The following NOP58 variants were observed in gnomAD, a reference collection of about 807,000 sequenced individuals.
The protein encoded by NOP58 is NOP58 ribonucleoprotein.
NOP58 carries 44 observed loss-of-function variants against 71.2 expected under a neutral mutation model. The ratio of observed to expected loss-of-function variants is 0.62; its 90% CI spans 0.49 to 0.79. NOP58 has a LOEUF of 0.79. NOP58 is among the 30% of genes least tolerant of loss of function. NOP58 has a pLI of 0.00. For synonymous variants in NOP58, 228 were observed against 200.3 expected (o/e 1.14, Z -1.17); for missense variants, 538 against 620.2 (o/e 0.87, Z 1.41).
chr2:202,279,652 G>A (rs1420709466), intron 3 of NOP58, among the ~76,000 whole-genome samples: 4 of 152,128 alleles, frequency 2.6e-5, no homozygotes, highest in East Asian at 1.9e-4. Context: ...AAAATTAGCC[G>A]GGTGTGGTGG....
Position 202,295,746 on chromosome 2 carries a change from G to C in NOP58, c.980G>C (p.Arg327Thr), listed in dbSNP as rs753950904. ...CTTGGAGCTGAAAAGGCACTTTTCA[G>C]AGCCCTCAAATCTAGACGGGATACC... ...QILGAEKALFRALKSRRDTPK... is the reference protein window; with the variant it reads ...QILGAEKALFTALKSRRDTPK... The change falls in exon 10 of 15, where the codon AGA becomes ACA. Residue 327 changes from arginine to threonine, a missense_variant. Transcript: ENST00000264279. 2 of 1,612,142 alleles carry C rather than the reference G, an allele frequency of 1.2e-6. No individual in the cohort carries two copies. The highest frequency in any genetic ancestry group is 3.4e-5 in the Admixed American group (2 of 59,552).
In NOP58 at chr2:202,303,459, C is replaced by T. The variant is rs751355788; in HGVS notation, c.*23C>T. On this transcript the variant is annotated 3_prime_UTR_variant, in exon 15 of 15. Transcript: ENST00000264279. ...TAACAGAAAGGAATTACGATTATAT[C>T]ACCCGGACACACATCATGCTTAAGA... The T allele has an allele frequency of 2.0e-5, 32 of 1,596,800 alleles. No homozygotes were observed. In the African/African-American group the frequency reaches 4.0e-4, roughly 20 times the overall value.
chr2:202,270,441 CAT>C (rs1688497226), intron 1 of NOP58, among the ~76,000 whole-genome samples: 1 of 152,182 alleles, frequency 6.6e-6, no homozygotes, highest in Non-Finnish European at 1.5e-5. Flanking sequence ...TTAACTTGCT[CAT>C]ATTGTCTGTG....
In NOP58 at chr2:202,265,925, C is replaced by T. The variant is rs1354113405; in HGVS notation, c.-17C>T. The T allele has an allele frequency of 2.5e-6, 4 of 1,614,162 alleles. No individual in the cohort carries two copies. Among genetic ancestry groups the T allele is most frequent in the East Asian group, 2.2e-5 (1 of 44,882 alleles). On this transcript the variant is annotated 5_prime_UTR_variant, in exon 1 of 15. Transcript: ENST00000264279. ...CAGCTTCTGGCAGGCCGTGCGGCGC[C>T]CTGACCCGGCCTCACCATGTTGGTG...
At chr2:202,272,951 G>A (rs1225161384) in intron 1 of NOP58, among the ~76,000 whole-genome samples, 1 of 152,028 alleles carries the variant, frequency 6.6e-6, no homozygotes, top group East Asian at 1.9e-4. Context: ...TGGCTAACAC[G>A]GTGAAACCCC....
chr2:202,300,038 T>G lies in NOP58; in HGVS notation c.1269-196T>G, dbSNP rs1401466799. The G allele has an allele frequency of 6.1e-6, 3 of 491,184 alleles. No homozygotes were observed. In the African/African-American group the frequency reaches 6.2e-5, roughly 10 times the overall value. 30.4% of individuals were successfully genotyped at this position (491,184 alleles called of 1,614,324 possible). A position where few individuals can be genotyped will look rare whatever the true frequency, so the allele number is the denominator to read the frequency against. On this transcript the variant is annotated intron_variant, in intron 12 of 14. Coordinates refer to ENST00000264279, the MANE Select transcript of NOP58 (RefSeq NM_015934.5). ...GCTCACCACATCTCTTGAATGTGAT[T>G]GACCTACTTGAAAAATATTAATACC...
At chr2:202,282,084 C>T (rs1688715972) in intron 3 of NOP58, among the ~76,000 whole-genome samples, 1 of 152,138 alleles carries the variant, frequency 6.6e-6, no homozygotes, top group Admixed American at 6.5e-5. Context: ...ATGATTCTCC[C>T]TTGAGTTCAT....
Position 202,297,396 on chromosome 2 carries a change from A to T in NOP58, c.1089A>T (p.Ala363=), listed in dbSNP as rs768320537. Residue 363 remains alanine (A), a synonymous_variant, in exon 11 of 15, where the codon GCA becomes GCT. Transcript: ENST00000264279. ...KHKGKISRML[A]AKTVLAIRYD... ...TCTATTAGATTTCTCGAATGCTGGCAGCCAAAACCGTTTTGGCTATCCGTT... is the reference window on the plus strand; with the variant it reads ...TCTATTAGATTTCTCGAATGCTGGCTGCCAAAACCGTTTTGGCTATCCGTT... The T allele has an allele frequency of 6.2e-7, 1 of 1,613,126 alleles. No individual in the cohort carries two copies. The highest frequency in any genetic ancestry group is 8.5e-7 in the Non-Finnish European group (1 of 1,179,524).
Position 202,302,972 on chromosome 2 carries a change from A to G in NOP58, c.1454A>G (p.Lys485Arg). The change falls in exon 14 of 15, where the codon AAG becomes AGG. Residue 485 changes from lysine to arginine, a missense_variant. Physicochemically the swap from Lys to Arg is conservative, Grantham distance 26 (BLOSUM62 2). Coordinates refer to ENST00000264279, the MANE Select transcript of NOP58 (RefSeq NM_015934.5). ...KVAEEEETSV[K>R]KKKKRGKKKH... ...GCAGAAGAAGAAGAAACATCTGTGA[A>G]GAAGAAGAAGAAAAGGGGTAAAAAG... 6.2e-7 allele frequency: 1 copy of G among 1,604,210 alleles called. No individual in the cohort carries two copies. The highest frequency in any genetic ancestry group is 8.5e-7 in the Non-Finnish European group (1 of 1,174,470).
chr2:202,268,335 C>A (rs868027094), intron 1 of NOP58, among the ~76,000 whole-genome samples: 25 of 152,022 alleles, frequency 1.6e-4, no homozygotes, highest in Non-Finnish European at 3.1e-4. Context: ...GAGTTTGAGA[C>A]CAGCCTAACC....
At chr2:202,296,987 C>A (rs1689005694) in intron 10 of NOP58, among the ~76,000 whole-genome samples, 2 of 152,154 alleles carry the variant, frequency 1.3e-5, no homozygotes, top group East Asian at 3.8e-4. Flanking sequence ...CTCGCCTCGG[C>A]CTCCCAAAGT....
Position 202,295,844 on chromosome 2 carries a change from T to TA in NOP58, c.1071+8dup. 5 of 1,541,766 alleles carry TA rather than the reference T, an allele frequency of 3.2e-6. No homozygotes were observed. Among genetic ancestry groups the TA allele is most frequent in the Non-Finnish European group, 3.5e-6 (4 of 1,145,782 alleles). On this transcript the variant is annotated splice_region_variant and intron_variant, in intron 10 of 14. Transcript: ENST00000264279. ...TCCCAAACACAAAGGAAAGGTGTGT[T>TA]ATAGGGTTTTGCTTTGTTTTTGAGG... is the stretch of plus-strand genomic sequence containing the variant.
intron 3 of NOP58, among the ~76,000 whole-genome samples, chr2:202,281,896 C>G (rs1688712054): frequency 6.6e-6 from 1 of 152,146 alleles, no homozygotes; most frequent in Non-Finnish European, 1.5e-5. Flanking sequence ...AGTGGAGATA[C>G]AAGCAAAGCT....
At chr2:202,276,388 T>G in intron 2 of NOP58, 1 of 411,918 alleles carries the variant, frequency 2.4e-6, no homozygotes, top group Non-Finnish European at 5.1e-6. Flanking sequence ...AGAAGACTAG[T>G]TTTCCTTCTT....
At chr2:202,303,226 A>G (rs1452859051) in intron 14 of NOP58, among the ~76,000 whole-genome samples, 160 bp from the exon 15 acceptor site, 2 of 152,358 alleles carry the variant, frequency 1.3e-5, no homozygotes, top group African/African-American at 4.8e-5. Context: ...GCCATTTCCC[A>G]AATCTAGAAT....
intron 8 of NOP58, among the ~76,000 whole-genome samples, chr2:202,291,968 CTTTTTTTTTTTTTTTTTTTTTTT>C (rs869075798): frequency 9.1e-5 from 4 of 43,962 alleles, no homozygotes; most frequent in African/African-American, 3.8e-4. Context: ...TGCTCAGAAT[CTTTTTTTTTTTTTTTTTTTTTTT>C]TTTTTTTTTT....
At chr2:202,272,983 A>G (rs1427591663) in intron 1 of NOP58, among the ~76,000 whole-genome samples, 1 of 152,074 alleles carries the variant, frequency 6.6e-6, no homozygotes, top group Non-Finnish European at 1.5e-5. Flanking sequence ...AAATACAAAA[A>G]ATTAGCCAGG....
chr2:202,273,072 C>T (rs1688536249), intron 1 of NOP58, among the ~76,000 whole-genome samples: 1 of 152,176 alleles, frequency 6.6e-6, no homozygotes, highest in South Asian at 2.1e-4. Context: ...TTGCAGTGAG[C>T]CGAGATCCTG....
At chr2:202,292,434 A>G (rs1688918679) in intron 8 of NOP58, among the ~76,000 whole-genome samples, 1 of 151,502 alleles carries the variant, frequency 6.6e-6, no homozygotes, top group African/African-American at 2.4e-5. Flanking sequence ...GTCAAGAGAT[A>G]GAGACCATAC....
Sources: allele counts gnomAD v4.1 joint callset (sites outside exome capture counted in the v4.1 genomes callset), GRCh38; gene constraint gnomAD v4.1.1; transcripts MANE v1.5; gene names NCBI Gene and HGNC (gene_info 2026-07-23, HGNC 2026-07-21).